SARDH: variants seen among roughly 807,000 people sequenced by gnomAD.
SARDH encodes sarcosine dehydrogenase, mitochondrial.
SARDH carries 95 observed loss-of-function variants against 109.1 expected under a neutral mutation model. That is an observed-to-expected ratio of 0.87 (90% CI 0.74 to 1.03). The LOEUF is 1.03. Ranked by LOEUF, SARDH falls within the 50% of genes least tolerant of loss-of-function variation. The pLI is 0.00. For missense variants in SARDH, 1,267 were observed against 1,287.8 expected (o/e 0.98, Z 0.25); for synonymous variants, 572 against 534.8 (o/e 1.07, Z -0.96).
chr9:133,705,103 C>G (rs142138207), intron 11 of SARDH, 72 bp from the exon 12 acceptor site: 42 of 1,440,524 alleles, frequency 2.9e-5, no homozygotes, highest in African/African-American at 2.7e-4. Flanking sequence ...AGAGCCACAT[C>G]CGCCACTTTA....
chr9:133,707,745 G>A (rs1387390098), intron 11 of SARDH, among the ~76,000 whole-genome samples: 6 of 152,148 alleles, frequency 3.9e-5, no homozygotes, highest in African/African-American at 4.8e-5. Flanking sequence ...GGCTGGGAGC[G>A]CAGAGAAGGA....
intron 14 of SARDH, among the ~76,000 whole-genome samples, chr9:133,694,868 A>G (rs1390172228): frequency 6.6e-6 from 1 of 152,116 alleles, no homozygotes; most frequent in Non-Finnish European, 1.5e-5. Context: ...GGGGGAACAG[A>G]TGTATGGAGA....
intron 19 of SARDH, among the ~76,000 whole-genome samples, chr9:133,668,280 TCTCCCTC>T (rs1564227020): frequency 5.9e-5 from 2 of 33,614 alleles, no homozygotes; most frequent in Non-Finnish European, 1.1e-4. Flanking sequence ...TCACCGTCCC[TCTCCCTC>T]CCTCTCCCTC....
Position 133,696,239 on chromosome 9 carries a change from A to G in SARDH, c.1791T>C (p.Asp597=). 1 of 1,614,056 alleles carries G rather than the reference A, an allele frequency of 6.2e-7. No individual in the cohort carries two copies. ...GCTCCATACCTGGGGGTCGGCTGAC[A>G]TCTGCGGAGAAGAGCCAGTCGGCAG... ...RKAADWLFSA[D]VSRPPGSTVY... is the part of the protein sequence containing the mutation. The change falls in exon 14 of 21, where the codon GAT becomes GAC. Residue 597 remains aspartate (D), a synonymous_variant. Coordinates refer to ENST00000439388, the MANE Select transcript of SARDH (RefSeq NM_001134707.2).
chr9:133,730,632 C>A (rs895290011), intron 4 of SARDH, among the ~76,000 whole-genome samples: 1 of 136,308 alleles, frequency 7.3e-6, no homozygotes, highest in African/African-American at 2.5e-5. Flanking sequence ...AATGTCAATA[C>A]TAGTTACTGC....
chr9:133,706,475 T>C (rs1250778822), intron 11 of SARDH, among the ~76,000 whole-genome samples: 1 of 152,180 alleles, frequency 6.6e-6, no homozygotes, highest in East Asian at 1.9e-4. Context: ...GGCTGTTTAC[T>C]GGGGATGGTG....
At chr9:133,683,310 T>A (rs182697931) in intron 17 of SARDH, among the ~76,000 whole-genome samples, 199 of 152,212 alleles carry the variant, frequency 1.3e-3, no homozygotes, top group Non-Finnish European at 2.0e-3. Flanking sequence ...CTGCTGGGCC[T>A]CAAATGGGAG....
In SARDH at chr9:133,713,133, A is replaced by C. The variant is rs759530441; in HGVS notation, c.1151-9T>G. 6.2e-7 allele frequency: 1 copy of C among 1,611,206 alleles called. No individual in the cohort carries two copies. The highest frequency in any genetic ancestry group is 8.5e-7 in the Non-Finnish European group (1 of 1,178,556). ...GTCGGGCGTGAAGGATTCTGAAAGAAGGAGAGAGAGGCCTGGAGTCCCTTT... is the reference window on the plus strand; with the variant it reads ...GTCGGGCGTGAAGGATTCTGAAAGACGGAGAGAGAGGCCTGGAGTCCCTTT... On this transcript the variant is annotated splice_polypyrimidine_tract_variant and intron_variant, in intron 8 of 20. Transcript: ENST00000439388.
rs1830890549 is a variant in SARDH at position 133,686,497 on chromosome 9, G to T, written c.2070-1211C>A. On this transcript the variant is annotated intron_variant, in intron 16 of 20. Transcript: ENST00000439388. The surrounding 1 kb of genome is among the most constrained non-coding windows in gnomAD (Gnocchi z 4.0). Reference sequence around the variant, plus strand: ...CAAGATCCCACAGTCTCCTGCCAGGGTGTCTCTCACATTGGTTGTACCCAC... The same window carrying T: ...CAAGATCCCACAGTCTCCTGCCAGGTTGTCTCTCACATTGGTTGTACCCAC... 1.3e-5 allele frequency among the ~76,000 whole-genome samples: 2 copies of T among 152,074 alleles called. No homozygotes were observed. The highest frequency in any genetic ancestry group is 6.6e-5 in the Admixed American group (1 of 15,264).
In SARDH at chr9:133,708,434, G is replaced by T. The variant is rs112348999; in HGVS notation, c.1329-6C>A. The T allele has an allele frequency of 1.9e-6, 3 of 1,606,438 alleles. No homozygotes were observed. Among genetic ancestry groups the T allele is most frequent in the Admixed American group, 3.4e-5 (2 of 59,632 alleles). ...TGAGCGAGTGATGGAAGCGCCTGCCGCAGACAGGGGGACGGGTCACTGCTT... is the reference window on the plus strand; with the variant it reads ...TGAGCGAGTGATGGAAGCGCCTGCCTCAGACAGGGGGACGGGTCACTGCTT... On this transcript the variant is annotated splice_region_variant and splice_polypyrimidine_tract_variant and intron_variant, in intron 10 of 20. Coordinates refer to ENST00000439388, the MANE Select transcript of SARDH (RefSeq NM_001134707.2).
downstream of SARDH, among the ~76,000 whole-genome samples, chr9:133,662,711 C>T (rs1030767752): frequency 3.2e-4 from 48 of 152,338 alleles, no homozygotes; most frequent in Admixed American, 2.6e-3. The surrounding 1 kb of genome is among the most constrained non-coding windows in gnomAD (Gnocchi z 5.1). Flanking sequence ...GCCCCCAGAT[C>T]GCTGTTTGCT....
chr9:133,718,718 G>A lies in SARDH; in HGVS notation c.1020+220C>T, dbSNP rs747349219. ...CAGACCTTCTCTGTGGATGTTTTGA[G>A]GCAAAGCCCTCCAGCTGCCCTGGGT... On this transcript the variant is annotated intron_variant, in intron 7 of 20. Transcript: ENST00000439388. This position sits in a 1 kb window ranked among gnomAD's most constrained non-coding sequence, Gnocchi z 4.2. 357 of 779,680 alleles carry A rather than the reference G, an allele frequency of 4.6e-4. No homozygotes were observed. Among genetic ancestry groups the A allele is most frequent in the Non-Finnish European group, 7.5e-4 (315 of 418,122 alleles). 48.3% of individuals were successfully genotyped at this position (779,680 alleles called of 1,614,324 possible). A position where few individuals can be genotyped will look rare whatever the true frequency, so the allele number is the denominator to read the frequency against.
Position 133,663,842 on chromosome 9 carries a change from T to G in SARDH, c.*47A>C. On this transcript the variant is annotated 3_prime_UTR_variant, in exon 21 of 21. Coordinates refer to ENST00000439388, the MANE Select transcript of SARDH (RefSeq NM_001134707.2). ...CTGGGACCCAGGGCCATTTGGGACC[T>G]GTGAGAATGGATGGACAGCATGGGA... 6.2e-7 allele frequency: 1 copy of G among 1,609,114 alleles called. No individual in the cohort carries two copies.
rs1194929643 is a variant in SARDH, at chr9:133,709,413, G to A, written c.1329-985C>T. ...CCAGCTGCATCAGGGCCCTGCAGCCGCCTCCCACGCACAAACCTCCCTGTC... is the reference window on the plus strand; with the variant it reads ...CCAGCTGCATCAGGGCCCTGCAGCCACCTCCCACGCACAAACCTCCCTGTC... On this transcript the variant is annotated intron_variant, in intron 10 of 20. Coordinates refer to ENST00000439388, the MANE Select transcript of SARDH (RefSeq NM_001134707.2). The surrounding 1 kb of genome is among the most constrained non-coding windows in gnomAD (Gnocchi z 4.2). Among the ~76,000 whole-genome samples the A allele has an allele frequency of 2.6e-5, 4 of 152,028 alleles. No individual in the cohort carries two copies. Among genetic ancestry groups the A allele is most frequent in the African/African-American group, 4.8e-5 (2 of 41,384 alleles).
At chr9:133,681,646 T>C (rs1024409613) in intron 17 of SARDH, among the ~76,000 whole-genome samples, 2 of 152,068 alleles carry the variant, frequency 1.3e-5, no homozygotes, top group African/African-American at 4.8e-5. Flanking sequence ...CGAGCGCTAG[T>C]GAGGGAGAGG....
chr9:133,739,412 A>T (rs529415577), upstream of SARDH, among the ~76,000 whole-genome samples: 1 of 152,190 alleles, frequency 6.6e-6, no homozygotes, highest in Admixed American at 6.5e-5. Flanking sequence ...AATGTGTACA[A>T]AGCACTGCTG....
Position 133,712,731 on chromosome 9 carries a change from G to A in SARDH, c.1238-22C>T, listed in dbSNP as rs1181340671. ...ATTCCTGGCAGGAAGAGAAGCGCAG[G>A]GCTGCGGTCTGCCCCCCAGGGTCCC... On this transcript the variant is annotated intron_variant, in intron 9 of 20. Transcript: ENST00000439388. This position sits in a 1 kb window ranked among gnomAD's most constrained non-coding sequence, Gnocchi z 4.1. 1 of 1,602,130 alleles carries A rather than the reference G, an allele frequency of 6.2e-7. No individual in the cohort carries two copies. Among genetic ancestry groups the A allele is most frequent in the South Asian group, 1.1e-5 (1 of 91,016 alleles).
rs1323489905 is a variant in SARDH at position 133,666,105 on chromosome 9, C to T, written c.2631+630G>A. Among the ~76,000 whole-genome samples, 2 of 152,228 alleles carry T rather than the reference C, an allele frequency of 1.3e-5. No individual in the cohort carries two copies. Among genetic ancestry groups the T allele is most frequent in the Admixed American group, 6.5e-5 (1 of 15,290 alleles). On this transcript the variant is annotated intron_variant, in intron 20 of 20. Coordinates refer to ENST00000439388, the MANE Select transcript of SARDH (RefSeq NM_001134707.2). The surrounding 1 kb of genome is among the most constrained non-coding windows in gnomAD (Gnocchi z 5.2). ...CTGGGACTTGCTCCTGGGGGCAGTG[C>T]CTGCTCTTTCCAGCCTGTTCCTGCC...
intron 17 of SARDH, among the ~76,000 whole-genome samples, chr9:133,675,871 G>C (rs2131345139): frequency 6.6e-6 from 1 of 152,280 alleles, no homozygotes. Context: ...CAGGAGGACT[G>C]CTTGAGCCCA....
Sources: gnomAD v4.1 joint callset for allele counts (sites outside exome capture counted in the v4.1 genomes callset) on GRCh38, gnomAD v4.1.1 for gene constraint, Gnocchi (gnomAD v3.1) non-coding constraint, MANE v1.5 for transcripts, NCBI Gene and HGNC (gene_info 2026-07-23, HGNC 2026-07-21) for gene names.